Variants in RHOT1 observed in about 807,000 individuals in gnomAD.
RHOT1 encodes the protein ras homolog family member T1.
Under a neutral mutation model 95.3 loss-of-function variants are expected in RHOT1, and 27 were observed. The ratio of observed to expected loss-of-function variants is 0.28; its 90% CI spans 0.21 to 0.39. The LOEUF (loss-of-function observed/expected upper bound fraction) is 0.39. RHOT1 is among the 10% of genes least tolerant of loss of function. The pLI is 1.00. For synonymous variants in RHOT1, 227 were observed against 263.5 expected, an observed-to-expected ratio of 0.86 and a Z score of 1.34; for missense variants, 578 against 786.7, an observed-to-expected ratio of 0.73 and a Z score of 3.17.
chr17:32,171,005 C>T (rs2034528832), intron 1 of RHOT1, 38 bp from the exon 2 acceptor site: 1 of 1,501,696 alleles, frequency 6.7e-7, no homozygotes, highest in South Asian at 1.2e-5. Context: ...TATGTAGAAC[C>T]TAACACTTTA....
intron 11 of RHOT1, among the ~76,000 whole-genome samples, chr17:32,195,523 C>T (rs1307041142): frequency 1.3e-5 from 2 of 152,150 alleles, no homozygotes; most frequent in Non-Finnish European, 2.9e-5. Context: ...CTTCTATACC[C>T]CAGGGAAGCG....
At chr17:32,157,248 G>T (rs2033057120) in intron 1 of RHOT1, among the ~76,000 whole-genome samples, 1 of 152,110 alleles carries the variant, frequency 6.6e-6, no homozygotes, top group African/African-American at 2.4e-5. Flanking sequence ...TCAAATTTGT[G>T]CTCCTAACCA....
At chr17:32,153,377 A>G (rs1051653995) in intron 1 of RHOT1, among the ~76,000 whole-genome samples, 1 of 152,200 alleles carries the variant, frequency 6.6e-6, no homozygotes, top group Non-Finnish European at 1.5e-5. Context: ...ATATCCAGGT[A>G]GCTGGGCTCT....
rs1044990095 is a variant in RHOT1, at chr17:32,216,312, A to G, written c.1862+5074A>G. On this transcript the variant is annotated intron_variant, in intron 19 of 19. Transcript: ENST00000545287. Reference sequence around the variant, plus strand: ...TTTTGTGTATAATCTCACCACTTCTAACCTGTTATTTAATCAAATATTGCT... The same window carrying G: ...TTTTGTGTATAATCTCACCACTTCTGACCTGTTATTTAATCAAATATTGCT... Among the ~76,000 whole-genome samples the G allele has an allele frequency of 3.9e-5, 6 of 152,086 alleles. 1 individual carries two copies. Among genetic ancestry groups the G allele is most frequent in the South Asian group, 2.1e-4 (1 of 4,828 alleles).
rs35643539 is a variant in RHOT1 at position 32,178,203 on chromosome 17, T to TC, written c.329+2000dup. On this transcript the variant is annotated intron_variant, in intron 6 of 19. Coordinates refer to ENST00000545287, the MANE Select transcript of RHOT1 (RefSeq NM_001033566.3). ...AAACTACATGAAATAATAAATGCCC[T>TC]CCCCCCCCCCAGTGATCTCCCTCTC... Among the ~76,000 whole-genome samples, 631 of 90,872 alleles carry TC rather than the reference T, an allele frequency of 6.9e-3. 6 individuals carry two copies. Among genetic ancestry groups the TC allele is most frequent in the East Asian group, 0.02 (40 of 2,046 alleles). 59.6% of individuals were successfully genotyped at this position (90,872 alleles called of 152,430 possible).
intron 19 of RHOT1, among the ~76,000 whole-genome samples, chr17:32,217,215 G>A (rs2142944219): frequency 6.6e-6 from 1 of 152,256 alleles, no homozygotes; most frequent in Admixed American, 6.5e-5. Flanking sequence ...GTGCACACCT[G>A]TGTCGTTTCC....
At chr17:32,159,034 T>C (rs2033264254) in intron 1 of RHOT1, among the ~76,000 whole-genome samples, 1 of 152,106 alleles carries the variant, frequency 6.6e-6, no homozygotes, top group African/African-American at 2.4e-5. Flanking sequence ...CTCACATGGC[T>C]GGGCAGGACC....
chr17:32,154,902 A>G (rs2032778354), intron 1 of RHOT1, among the ~76,000 whole-genome samples: 1 of 151,838 alleles, frequency 6.6e-6, no homozygotes, highest in Non-Finnish European at 1.5e-5. Context: ...TAAAAAAAAA[A>G]AAAAAATTAG....
intron 11 of RHOT1, among the ~76,000 whole-genome samples, chr17:32,195,251 A>G (rs2036792043): frequency 6.6e-6 from 1 of 152,026 alleles, no homozygotes; most frequent in Non-Finnish European, 1.5e-5. Flanking sequence ...GTGCAACACA[A>G]TGCCTGGCTT....
At chr17:32,181,196 C>T (rs1409979230) in intron 6 of RHOT1, among the ~76,000 whole-genome samples, 4 of 152,206 alleles carry the variant, frequency 2.6e-5, no homozygotes, top group Admixed American at 6.5e-5. Context: ...AACAGTTCTC[C>T]ACTAGGTTGG....
chr17:32,177,846 T>C (rs1315806797), intron 6 of RHOT1, among the ~76,000 whole-genome samples: 1 of 148,004 alleles, frequency 6.8e-6, no homozygotes, highest in Non-Finnish European at 1.5e-5. Context: ...TTTTTTGAGA[T>C]GGAGTTTCCA....
intron 1 of RHOT1, among the ~76,000 whole-genome samples, chr17:32,170,669 A>G (rs985088234): frequency 3.9e-5 from 6 of 152,236 alleles, no homozygotes; most frequent in African/African-American, 1.4e-4. Flanking sequence ...ATGTACTGAC[A>G]TGAAATACTG....
At chr17:32,166,000 C>T (rs2034046436) in intron 1 of RHOT1, among the ~76,000 whole-genome samples, 1 of 151,864 alleles carries the variant, frequency 6.6e-6, no homozygotes, top group African/African-American at 2.4e-5. Flanking sequence ...GCATGGCCAA[C>T]AAGGCGAAAC....
intron 4 of RHOT1, 126 bp from the exon 5 acceptor site, chr17:32,175,832 TTTTG>T (rs1353647245): frequency 7.1e-6 from 4 of 567,260 alleles, no homozygotes; most frequent in African/African-American, 5.9e-5. Flanking sequence ...CTAATTCTTT[TTTTG>T]TTTTTTTGTT....
intron 2 of RHOT1, among the ~76,000 whole-genome samples, chr17:32,172,376 A>G (rs992661244): frequency 1.3e-5 from 2 of 152,200 alleles, no homozygotes; most frequent in African/African-American, 4.8e-5. Flanking sequence ...TGAGAGTTTT[A>G]GTTTAGAATT....
chr17:32,168,829 T>C (rs1045821060), intron 1 of RHOT1, among the ~76,000 whole-genome samples: 3 of 152,078 alleles, frequency 2.0e-5, no homozygotes, highest in African/African-American at 7.2e-5. Context: ...TTAGTAAGAC[T>C]TAGAAAATGA....
Position 32,201,072 on chromosome 17 carries a change from CTG to C in RHOT1, c.1201+18_1201+19del. 2 of 1,430,964 alleles carry C rather than the reference CTG, an allele frequency of 1.4e-6. No homozygotes were observed. Among genetic ancestry groups the C allele is most frequent in the Non-Finnish European group, 1.9e-6 (2 of 1,034,168 alleles). 88.6% of individuals were successfully genotyped at this position (1,430,964 alleles called of 1,614,324 possible). ...GCTGTTACAGGTAAGTATCTAGATA[CTG>C]TTCAGCTCATGATTAGAGATATTTT... On this transcript the variant is annotated intron_variant, in intron 14 of 19. Coordinates refer to ENST00000545287, the MANE Select transcript of RHOT1 (RefSeq NM_001033566.3).
chr17:32,149,635 A>ATATATATATATATATGTGTGTG (rs1445281403), intron 1 of RHOT1, among the ~76,000 whole-genome samples: 20 of 59,070 alleles, frequency 3.4e-4, no homozygotes, highest in South Asian at 8.7e-4. Context: ...ATATATATAT[A>ATATATATATATATATGTGTGTG]TGTGTGTGTG....
intron 11 of RHOT1, among the ~76,000 whole-genome samples, chr17:32,198,373 GTAT>G (rs1488536511): frequency 6.6e-6 from 1 of 152,146 alleles, no homozygotes; most frequent in African/African-American, 2.4e-5. Context: ...AGGTAAATCA[GTAT>G]TATTTGTAAA....
Sources: allele counts gnomAD v4.1 joint callset (sites outside exome capture counted in the v4.1 genomes callset), GRCh38; gene constraint gnomAD v4.1.1; transcripts MANE v1.5; gene names NCBI Gene and HGNC (gene_info 2026-07-23, HGNC 2026-07-21).